CDH13: variants seen among roughly 807,000 people sequenced by gnomAD.
CDH13 encodes the protein cadherin 13.
Under a neutral mutation model 63.8 loss-of-function variants are expected in CDH13, and 24 were observed. The observed-to-expected ratio is 0.38, with a 90% CI of 0.27 to 0.53. The LOEUF (loss-of-function observed/expected upper bound fraction) is 0.53. Among genes scored for constraint, CDH13 ranks in the 20% least tolerant of loss-of-function variants. CDH13 has a pLI of 0.85. For synonymous variants in CDH13, 503 were observed against 355.3 expected, an observed-to-expected ratio of 1.42 and a Z score of -4.67; for missense variants, 1,049 against 903.1, an observed-to-expected ratio of 1.16 and a Z score of -2.07.
intron 2 of CDH13, among the ~76,000 whole-genome samples, chr16:82,931,211 C>T (rs1277653077): frequency 6.6e-6 from 1 of 152,162 alleles, no homozygotes; most frequent in Non-Finnish European, 1.5e-5. Flanking sequence ...CATATCTAGC[C>T]TTATTTATCT....
chr16:82,956,415 C>G (rs1906112923), intron 2 of CDH13, among the ~76,000 whole-genome samples: 2 of 152,158 alleles, frequency 1.3e-5, no homozygotes, highest in South Asian at 4.1e-4. Flanking sequence ...CAGATGTATC[C>G]TGCCACACCC....
At chr16:83,430,883 T>G (rs1319196005) in intron 6 of CDH13, among the ~76,000 whole-genome samples, 1 of 152,044 alleles carries the variant, frequency 6.6e-6, no homozygotes, top group Non-Finnish European at 1.5e-5. Context: ...TAGTTACATA[T>G]GTATGCATGT....
At chr16:82,838,617 G>T (rs1342539721) in intron 1 of CDH13, among the ~76,000 whole-genome samples, 1 of 152,088 alleles carries the variant, frequency 6.6e-6, no homozygotes, top group Non-Finnish European at 1.5e-5. Context: ...TGCCTTCTCT[G>T]CATGAGCCTA....
At chr16:83,721,674 A>G (rs1427848061) in intron 10 of CDH13, 1 of 152,168 alleles carries the variant, frequency 6.6e-6, no homozygotes, top group East Asian at 1.9e-4. Context: ...AAACCAGCAA[A>G]CAACATAGTT....
At chr16:83,103,093 C>T (rs1232637559) in intron 3 of CDH13, among the ~76,000 whole-genome samples, 1 of 151,204 alleles carries the variant, frequency 6.6e-6, no homozygotes. Flanking sequence ...GCTGGGATTA[C>T]AGGAGTGTGC....
chr16:83,098,240 A>G (rs2034300819), intron 3 of CDH13, among the ~76,000 whole-genome samples: 1 of 152,190 alleles, frequency 6.6e-6, no homozygotes, highest in African/African-American at 2.4e-5. Context: ...ATATTATAGC[A>G]TTTCATATAT....
At chr16:82,793,285 C>T (rs1201793182) in intron 1 of CDH13, among the ~76,000 whole-genome samples, 3 of 151,106 alleles carry the variant, frequency 2.0e-5, no homozygotes, top group Non-Finnish European at 2.9e-5. Context: ...TGGATCTGAG[C>T]GAGATGGGGA....
intron 6 of CDH13, among the ~76,000 whole-genome samples, chr16:83,402,542 C>G (rs1382817710): frequency 6.6e-6 from 1 of 152,218 alleles, no homozygotes; most frequent in Non-Finnish European, 1.5e-5. Flanking sequence ...TCACTTGCCC[C>G]AGCAAGTCTC....
chr16:83,294,886 A>C (rs976977697), intron 5 of CDH13, among the ~76,000 whole-genome samples: 15 of 152,268 alleles, frequency 9.9e-5, no homozygotes, highest in African/African-American at 3.6e-4. Context: ...ATCATCCTAA[A>C]AATCATATGA....
intron 8 of CDH13, among the ~76,000 whole-genome samples, chr16:83,653,830 A>G (rs759370338): frequency 7.9e-5 from 12 of 152,164 alleles, no homozygotes; most frequent in Non-Finnish European, 1.6e-4. Context: ...GGGGCCTCCT[A>G]TGGTTTGTCC....
At chr16:82,860,018 CCTTT>C (rs1163749106) in intron 2 of CDH13, among the ~76,000 whole-genome samples, 2 of 152,178 alleles carry the variant, frequency 1.3e-5, no homozygotes, top group Non-Finnish European at 2.9e-5. Flanking sequence ...TAGGAACCCT[CCTTT>C]GTCTTTTCAT....
At chr16:83,599,399 A>C (rs1258950211) in intron 7 of CDH13, among the ~76,000 whole-genome samples, 1 of 152,256 alleles carries the variant, frequency 6.6e-6, no homozygotes, top group Non-Finnish European at 1.5e-5. Flanking sequence ...TATAAAAGTT[A>C]GTAACATCCT....
At chr16:83,647,724 A>G (rs1911969420) in intron 8 of CDH13, among the ~76,000 whole-genome samples, 1 of 152,166 alleles carries the variant, frequency 6.6e-6, no homozygotes, top group Non-Finnish European at 1.5e-5. Context: ...CTCAACAATC[A>G]TAGGATCTGT....
At chr16:83,340,180 T>C (rs538265868) in intron 5 of CDH13, among the ~76,000 whole-genome samples, 69 of 152,334 alleles carry the variant, frequency 4.5e-4, no homozygotes, top group African/African-American at 1.6e-3. Flanking sequence ...TTTTTAAGCA[T>C]TCAGCATGCA....
At chr16:82,729,296 T>A (rs563904394) in intron 1 of CDH13, among the ~76,000 whole-genome samples, 23 of 152,288 alleles carry the variant, frequency 1.5e-4, no homozygotes, top group African/African-American at 4.8e-4. Context: ...GGAATTACTA[T>A]CTCTAGCAGC....
At chr16:83,644,212 A>G (rs1567475559) in intron 8 of CDH13, among the ~76,000 whole-genome samples, 1 of 152,194 alleles carries the variant, frequency 6.6e-6, no homozygotes, top group Admixed American at 6.5e-5. Context: ...AGCACATTTT[A>G]TTTCCACTAA....
chr16:82,810,748 A>G (rs532956768), intron 1 of CDH13, among the ~76,000 whole-genome samples: 2 of 152,216 alleles, frequency 1.3e-5, no homozygotes, highest in African/African-American at 4.8e-5. Context: ...TGTGAAGAGC[A>G]TAAGAGGGGA....
At chr16:82,670,610 G>A (rs934614349) in intron 1 of CDH13, among the ~76,000 whole-genome samples, 1 of 152,176 alleles carries the variant, frequency 6.6e-6, no homozygotes, top group South Asian at 2.1e-4. Flanking sequence ...TAGGGGATGA[G>A]CTTCCAACAG....
intron 12 of CDH13, 95 bp from the exon 13 acceptor site, chr16:83,783,159 A>C: frequency 1.3e-6 from 1 of 780,376 alleles, no homozygotes; most frequent in Non-Finnish European, 2.2e-6. Flanking sequence ...ATGAAAATGC[A>C]ATGCCTGTTT....
Sources: gnomAD v4.1 joint callset for allele counts (sites outside exome capture counted in the v4.1 genomes callset) on GRCh38, gnomAD v4.1.1 for gene constraint, MANE v1.5 for transcripts, NCBI Gene and HGNC (gene_info 2026-07-23, HGNC 2026-07-21) for gene names.